Variants in PRUNE2 observed in about 807,000 individuals in gnomAD.
PRUNE2 encodes the protein prune homolog 2 with BCH domain.
A neutral mutation model predicts 252.0 loss-of-function variants in PRUNE2; 164 were observed. The observed-to-expected ratio is 0.65, with a 90% CI of 0.57 to 0.74. The LOEUF (loss-of-function observed/expected upper bound fraction) is 0.74, where lower values mean the gene tolerates loss of function less well. Ranked by LOEUF, PRUNE2 falls within the 30% of genes least tolerant of loss-of-function variation. The pLI, the probability that PRUNE2 is intolerant of heterozygous loss-of-function variation, is 0.00. For missense variants in PRUNE2, 3,495 were observed against 3,711.0 expected (o/e 0.94, Z 1.51); for synonymous variants, 1,292 against 1,350.2 (o/e 0.96, Z 0.94).
intron 9 of PRUNE2, among the ~76,000 whole-genome samples, chr9:76,669,813 A>G (rs778060325): frequency 3.3e-5 from 5 of 152,184 alleles, no homozygotes; most frequent in Non-Finnish European, 5.9e-5. Flanking sequence ...ACTCCTAACA[A>G]GGCAATGACT....
At chr9:76,671,697 G>A (rs533162156) in intron 9 of PRUNE2, among the ~76,000 whole-genome samples, 1,895 of 151,908 alleles carry the variant, frequency 0.012, 43 homozygotes, top group African/African-American at 0.041. Context: ...GACTAACAGC[G>A]GATCTCTCGG....
At chr9:76,714,148 A>G (rs912268003) in intron 6 of PRUNE2, among the ~76,000 whole-genome samples, 2 of 152,130 alleles carry the variant, frequency 1.3e-5, no homozygotes, top group African/African-American at 4.8e-5. Flanking sequence ...AATGATTATT[A>G]TTAACTCCAA....
At chr9:76,776,941 C>CACACACAG (rs1564280230) in intron 6 of PRUNE2, among the ~76,000 whole-genome samples, 1 of 144,898 alleles carries the variant, frequency 6.9e-6, no homozygotes, top group Non-Finnish European at 1.5e-5. Flanking sequence ...CACACACACA[C>CACACACAG]ACACAAAGGG....
intron 17 of PRUNE2, among the ~76,000 whole-genome samples, chr9:76,621,415 A>AT (rs886769885): frequency 2.0e-5 from 3 of 152,100 alleles, no homozygotes; most frequent in African/African-American, 7.2e-5. Flanking sequence ...ACAGAGTAGA[A>AT]TTTTTTCTCT....
chr9:76,665,201 C>G (rs547543274), intron 9 of PRUNE2, among the ~76,000 whole-genome samples: 6 of 152,246 alleles, frequency 3.9e-5, no homozygotes, highest in Non-Finnish European at 8.8e-5. Context: ...GAAGGGCTCA[C>G]AAGGCCCTCT....
At chr9:76,749,630 T>C (rs894529957) in intron 6 of PRUNE2, among the ~76,000 whole-genome samples, 1 of 152,212 alleles carries the variant, frequency 6.6e-6, no homozygotes, top group Non-Finnish European at 1.5e-5. Context: ...ACCCTGCAAA[T>C]AAATGCCCTC....
At position 76,611,728 on chromosome 9, in the gene PRUNE2, A is replaced by AG; in HGVS notation, c.*2841_*2842insC. 1 of 152,600 alleles carries AG rather than the reference A, an allele frequency of 6.6e-6. No individual in the cohort carries two copies. The highest frequency in any genetic ancestry group is 1.9e-4 in the East Asian group (1 of 5,192). 9.5% of individuals were successfully genotyped at this position (152,600 alleles called of 1,614,324 possible). ...AGAGAATGTCTTAGAGAGTAACCCCATAGAACATTGTATGGCTTCAACAGA... is the reference window on the plus strand; with the variant it reads ...AGAGAATGTCTTAGAGAGTAACCCCAGTAGAACATTGTATGGCTTCAACAGA... On this transcript the variant is annotated 3_prime_UTR_variant, in exon 19 of 19. Transcript: ENST00000376718.
At chr9:76,901,450 C>CGT (rs936520196) in intron 1 of PRUNE2, among the ~76,000 whole-genome samples, 13 of 152,174 alleles carry the variant, frequency 8.5e-5, no homozygotes, top group Admixed American at 8.5e-4. Context: ...GCTTCTTCAT[C>CGT]ATTACTAGTC....
chr9:76,837,334 C>A (rs1195124890), intron 4 of PRUNE2, among the ~76,000 whole-genome samples: 2 of 151,814 alleles, frequency 1.3e-5, no homozygotes. Flanking sequence ...CCCAACTACT[C>A]GGGAGGCTGA....
At chr9:76,668,728 G>A (rs868035506) in intron 9 of PRUNE2, among the ~76,000 whole-genome samples, 4 of 151,866 alleles carry the variant, frequency 2.6e-5, no homozygotes, top group East Asian at 1.9e-4. Context: ...CAGGAGGACC[G>A]GCTTCATTCC....
chr9:76,746,372 A>T (rs754601728), intron 6 of PRUNE2, among the ~76,000 whole-genome samples: 8 of 151,568 alleles, frequency 5.3e-5, no homozygotes, highest in Non-Finnish European at 1.0e-4. Context: ...ATTGCCAAAG[A>T]TGTAATCAGT....
At chr9:76,813,422 A>T (rs1298821024) in intron 6 of PRUNE2, among the ~76,000 whole-genome samples, 1 of 152,242 alleles carries the variant, frequency 6.6e-6, no homozygotes, top group Non-Finnish European at 1.5e-5. Context: ...CGAGAAAGTC[A>T]TGGAGAAAAA....
At chr9:76,718,258 G>A (rs1478395231) in intron 6 of PRUNE2, among the ~76,000 whole-genome samples, 1 of 152,186 alleles carries the variant, frequency 6.6e-6, no homozygotes, top group Non-Finnish European at 1.5e-5. Context: ...TGCATCGTGT[G>A]AAACAAAAGT....
intron 6 of PRUNE2, among the ~76,000 whole-genome samples, chr9:76,772,027 T>A (rs1034850642): frequency 1.3e-5 from 2 of 152,136 alleles, no homozygotes; most frequent in East Asian, 3.9e-4. Flanking sequence ...GAGAGCAGAG[T>A]ATGTGGCTCC....
At chr9:76,760,627 C>T (rs2051618064) in intron 6 of PRUNE2, among the ~76,000 whole-genome samples, 1 of 152,102 alleles carries the variant, frequency 6.6e-6, no homozygotes, top group South Asian at 2.1e-4. Context: ...CCAAAAGCCC[C>T]CCAAAAGGAA....
At chr9:76,904,155 G>A (rs556896006) in intron 1 of PRUNE2, among the ~76,000 whole-genome samples, 2 of 152,124 alleles carry the variant, frequency 1.3e-5, no homozygotes, top group Non-Finnish European at 2.9e-5. Flanking sequence ...TCCAAGAAAC[G>A]ATAAAATTAG....
chr9:76,875,953 C>A (rs1213516210), intron 1 of PRUNE2, among the ~76,000 whole-genome samples: 3 of 152,290 alleles, frequency 2.0e-5, no homozygotes, highest in Admixed American at 6.5e-5. Flanking sequence ...ATGTTCTTAT[C>A]AGGTAGATCT....
chr9:76,875,185 A>T (rs903251180), intron 1 of PRUNE2, among the ~76,000 whole-genome samples: 2 of 151,844 alleles, frequency 1.3e-5, no homozygotes, highest in African/African-American at 4.8e-5. Flanking sequence ...GAGAACTGTG[A>T]CTCTTCTTTC....
chr9:76,798,639 GA>G (rs138854031), intron 6 of PRUNE2, among the ~76,000 whole-genome samples: 16,705 of 151,006 alleles, frequency 0.11, 1,619 homozygotes, highest in African/African-American at 0.27. Flanking sequence ...TGATTGCCAT[GA>G]AAAAAAAATG....
Sources: allele counts gnomAD v4.1 joint callset (sites outside exome capture counted in the v4.1 genomes callset), GRCh38; gene constraint gnomAD v4.1.1; transcripts MANE v1.5; gene names NCBI Gene and HGNC (gene_info 2026-07-23, HGNC 2026-07-21).